NUP214: variants seen among roughly 807,000 people sequenced by gnomAD.
The protein encoded by NUP214 is nuclear pore complex protein Nup214.
Under a neutral mutation model 196.2 loss-of-function variants are expected in NUP214, and 79 were observed. That is an observed-to-expected ratio of 0.40 (90% confidence interval 0.34 to 0.49). NUP214 has a LOEUF of 0.49. Ranked by LOEUF, NUP214 falls within the 20% of genes least tolerant of loss-of-function variation. The probability of loss-of-function intolerance (pLI) is 0.58; values close to 1 mark genes in which losing one functional copy is unlikely to be tolerated. For synonymous variants in NUP214, 1,020 were observed against 990.5 expected (o/e 1.03, Z -0.56); for missense variants, 2,468 against 2,539.0 (o/e 0.97, Z 0.60).
chr9:131,147,740 C>T (rs1832126529), intron 14 of NUP214, among the ~76,000 whole-genome samples, 156 bp downstream of exon 14: 1 of 152,218 alleles, frequency 6.6e-6, no homozygotes. Flanking sequence ...GGTTTGAATA[C>T]TTGTATACTC....
intron 10 of NUP214, among the ~76,000 whole-genome samples, chr9:131,139,821 G>C (rs1421791584): frequency 6.6e-6 from 1 of 152,216 alleles, no homozygotes; most frequent in African/African-American, 2.4e-5. Flanking sequence ...TTAGAAAATA[G>C]AGACCTCAGG....
chr9:131,214,775 T>G (rs1834345229), intron 30 of NUP214, among the ~76,000 whole-genome samples: 1 of 152,212 alleles, frequency 6.6e-6, no homozygotes. Flanking sequence ...AGAAAGACAG[T>G]GAAAATCACT....
At chr9:131,217,023 T>A (rs1834419920) in intron 31 of NUP214, among the ~76,000 whole-genome samples, 1 of 152,218 alleles carries the variant, frequency 6.6e-6, no homozygotes, top group Admixed American at 6.5e-5. Context: ...TCTCCATGAA[T>A]CATGAGCTAG....
At chr9:131,195,989 A>G (rs1375783831) in intron 28 of NUP214, among the ~76,000 whole-genome samples, 1 of 109,330 alleles carries the variant, frequency 9.1e-6, no homozygotes, top group African/African-American at 3.6e-5. Flanking sequence ...GTGCCATTGC[A>G]CTCCAGCCTG....
intron 4 of NUP214, among the ~76,000 whole-genome samples, chr9:131,129,765 A>T (rs538074886): frequency 1.5e-4 from 23 of 152,120 alleles, no homozygotes; most frequent in African/African-American, 5.3e-4. Flanking sequence ...CACCATGCCC[A>T]GCTAATTTTT....
Position 131,183,784 on chromosome 9 carries a change from T to C in NUP214, c.3420-3505T>C, listed in dbSNP as rs1833359344. ...TTTGTTGTAGATATAAAAAAGATAGTTAAAAAGAACAAACTTAAAATCACC... is the reference window on the plus strand; with the variant it reads ...TTTGTTGTAGATATAAAAAAGATAGCTAAAAAGAACAAACTTAAAATCACC... On this transcript the variant is annotated intron_variant, in intron 24 of 35. Coordinates refer to ENST00000359428, the MANE Select transcript of NUP214 (RefSeq NM_005085.4). Among the ~76,000 whole-genome samples the C allele has an allele frequency of 2.0e-5, 3 of 152,152 alleles. No individual in the cohort carries two copies. The South Asian group carries it at 6.2e-4, about 32-fold the overall frequency.
intron 30 of NUP214, among the ~76,000 whole-genome samples, chr9:131,212,230 C>T (rs963314001): frequency 6.6e-6 from 1 of 152,174 alleles, no homozygotes; most frequent in African/African-American, 2.4e-5. Context: ...AACCCTGTCT[C>T]CTGATAAGAT....
At chr9:131,144,214 C>G in intron 11 of NUP214, 66 bp from the exon 12 acceptor site, 2 of 1,254,548 alleles carry the variant, frequency 1.6e-6, no homozygotes, top group South Asian at 2.8e-5. Flanking sequence ...TTTTCACTTG[C>G]TTTCTATTAT....
chr9:131,129,174 C>A, intron 3 of NUP214, 105 bp from the exon 4 acceptor site: 2 of 922,230 alleles, frequency 2.2e-6, no homozygotes, highest in South Asian at 1.7e-5. Context: ...GAAAAATAAA[C>A]TGATTTGAGA....
Position 131,198,699 on chromosome 9 carries a change from G to A in NUP214, c.5205G>A (p.Ser1735=), listed in dbSNP as rs888871152. ...TFGQASVFGQ[S]ASSAASVFSF... ...GGCAGGCCTCAGTCTTTGGGCAGTC[G>A]GCGAGCAGTGCTGCAAGTGTCTTTT... Residue 1735 remains serine (S), a synonymous_variant, in exon 29 of 36, where the codon TCG becomes TCA. Transcript: ENST00000359428. The A allele has an allele frequency of 3.7e-6, 6 of 1,614,184 alleles. No homozygotes were observed. Among genetic ancestry groups the A allele is most frequent in the Non-Finnish European group, 5.1e-6 (6 of 1,180,018 alleles).
chr9:131,132,775 A>G, intron 6 of NUP214, 116 bp downstream of exon 6: 1 of 889,840 alleles, frequency 1.1e-6, no homozygotes, highest in South Asian at 1.5e-5. Context: ...CTTTATGAAT[A>G]ATGTCACTAT....
chr9:131,197,612 A>C lies in NUP214; in HGVS notation c.4118A>C (p.Asn1373Thr). Residue 1373 changes from asparagine to threonine, a missense_variant, in exon 29 of 36, where the codon AAT becomes ACT. This residue lies in a region of NUP214 where 1,801 missense variants were observed against 1,779.4 expected (regional missense o/e 1.01). Coordinates refer to ENST00000359428, the MANE Select transcript of NUP214 (RefSeq NM_005085.4). ...TKTSGVPSGF[N>T]FTAPPVLGKH... Reference sequence around the variant, plus strand: ...ACGTCAGGCGTGCCCTCAGGGTTTAATTTTACTGCCCCCCCGGTGTTAGGG... The same window carrying C: ...ACGTCAGGCGTGCCCTCAGGGTTTACTTTTACTGCCCCCCCGGTGTTAGGG... The C allele has an allele frequency of 6.2e-7, 1 of 1,614,070 alleles. No individual in the cohort carries two copies. The highest frequency in any genetic ancestry group is 8.5e-7 in the Non-Finnish European group (1 of 1,180,000).
intron 4 of NUP214, among the ~76,000 whole-genome samples, chr9:131,130,157 T>TTTTTTTTTTTTTTTTTTTTG: frequency 7.6e-6 from 1 of 132,344 alleles, no homozygotes; most frequent in African/African-American, 2.8e-5. Flanking sequence ...TTTTGTTTTT[T>TTTTTTTTTTTTTTTTTTTTG]TTTTGAGACA....
chr9:131,150,269 AATT>A (rs1361051521), intron 14 of NUP214, 52 bp from the exon 15 acceptor site: 2 of 1,476,600 alleles, frequency 1.4e-6, no homozygotes, highest in African/African-American at 2.8e-5. Flanking sequence ...GCTCTGATAT[AATT>A]GCTTGTAGAA....
At position 131,132,583 on chromosome 9, in the gene NUP214, A is replaced by G. The variant is rs1831589469; in HGVS notation, c.664-13A>G. 1 of 1,611,862 alleles carries G rather than the reference A, an allele frequency of 6.2e-7. No homozygotes were observed. Among genetic ancestry groups the G allele is most frequent in the African/African-American group, 1.3e-5 (1 of 74,778 alleles). Reference sequence around the variant, plus strand: ...CATTTGATACTTTATTTTCCCCTCCAAATCTCTTTCAGACTTTGCAGGAAA... The same window carrying G: ...CATTTGATACTTTATTTTCCCCTCCGAATCTCTTTCAGACTTTGCAGGAAA... On this transcript the variant is annotated splice_polypyrimidine_tract_variant and intron_variant, in intron 5 of 35. Transcript: ENST00000359428.
intron 24 of NUP214, among the ~76,000 whole-genome samples, chr9:131,184,117 G>T (rs904773616): frequency 3.1e-5 from 4 of 129,902 alleles, no homozygotes; most frequent in Admixed American, 9.3e-5. Flanking sequence ...TCCAACCTCC[G>T]CCTCTCAGGT....
At chr9:131,177,211 T>G (rs1285181714) in intron 23 of NUP214, among the ~76,000 whole-genome samples, 1 of 152,142 alleles carries the variant, frequency 6.6e-6, no homozygotes, top group African/African-American at 2.4e-5. Flanking sequence ...AATTCAAATA[T>G]TAAAACCTTT....
intron 16 of NUP214, 76 bp from the exon 17 acceptor site, chr9:131,151,660 C>A: frequency 8.5e-7 from 1 of 1,175,300 alleles, no homozygotes; most frequent in Non-Finnish European, 1.2e-6. Context: ...TTGAGAAACA[C>A]CACCTTCCTT....
At chr9:131,153,263 G>A (rs1832327639) in intron 17 of NUP214, 1 of 151,786 alleles carries the variant, frequency 6.6e-6, no homozygotes. Flanking sequence ...TTGCAGGTGT[G>A]ATGAATCATT....
Sources: gnomAD v4.1 joint callset for allele counts (sites outside exome capture counted in the v4.1 genomes callset) on GRCh38, gnomAD v4.1.1 for gene constraint, gnomAD v4.1.1 regional missense constraint, MANE v1.5 for transcripts, NCBI Gene and HGNC (gene_info 2026-07-23, HGNC 2026-07-21) for gene names.